MEGF11: variants seen among roughly 807,000 people sequenced by gnomAD.
MEGF11 encodes the protein multiple EGF like domains 11, also known as multiple epidermal growth factor-like domains protein 11.
MEGF11 carries 126 observed loss-of-function variants against 146.6 expected under a neutral mutation model. That is an observed-to-expected ratio of 0.86 (90% CI 0.74 to 1.00). MEGF11 has a LOEUF of 1.00. Among genes scored for constraint, MEGF11 ranks in the 50% least tolerant of loss-of-function variants. MEGF11 has a pLI of 0.00. For missense variants in MEGF11, 1,509 were observed against 1,521.2 expected (o/e 0.99, Z 0.13); for synonymous variants, 532 against 583.4 (o/e 0.91, Z 1.27).
rs1434203018 is a variant in MEGF11, at chr15:66,008,403, G to A, written c.395-25915C>T. ...TTCACGATGAAACACACATGCACAC[G>A]CGCGCGCGCACACACACACACACAC... On this transcript the variant is annotated intron_variant, in intron 5 of 25. Coordinates refer to ENST00000395614, the MANE Select transcript of MEGF11 (RefSeq NM_001385028.1). Among the ~76,000 whole-genome samples, 12 of 2,992 alleles carry A rather than the reference G, an allele frequency of 4.0e-3. No homozygotes were observed. In the South Asian group the frequency reaches 0.25, roughly 62 times the overall value. 2.0% of individuals were successfully genotyped at this position (2,992 alleles called of 152,430 possible). A position where few individuals can be genotyped will look rare whatever the true frequency, so the allele number is the denominator to read the frequency against.
At chr15:66,021,176 C>A (rs1285404583) in intron 5 of MEGF11, among the ~76,000 whole-genome samples, 36 of 152,310 alleles carry the variant, frequency 2.4e-4, no homozygotes, top group Admixed American at 1.6e-3. Context: ...GGGGAGCCCA[C>A]CCCTACCTTG....
chr15:66,119,263 C>G, intron 3 of MEGF11, 77 bp from the exon 4 acceptor site: 3 of 1,032,324 alleles, frequency 2.9e-6, no homozygotes, highest in Non-Finnish European at 4.3e-6. Context: ...TTGTGTTAAG[C>G]TATATTGAGG....
chr15:66,096,821 G>A (rs185451892), intron 4 of MEGF11, among the ~76,000 whole-genome samples: 82 of 152,308 alleles, frequency 5.4e-4, no homozygotes, highest in African/African-American at 2.0e-3. Context: ...CAAGCTGGGG[G>A]GGAACAGCCT....
chr15:65,929,945 C>T, intron 11 of MEGF11, 62 bp from the exon 12 acceptor site: 8 of 1,481,698 alleles, frequency 5.4e-6, no homozygotes, highest in Non-Finnish European at 6.4e-6. Flanking sequence ...TTTTTGCCCA[C>T]TCCCCCCAGC....
intron 1 of MEGF11, among the ~76,000 whole-genome samples, chr15:66,156,323 G>A (rs992215644): frequency 6.6e-6 from 1 of 152,064 alleles, no homozygotes; most frequent in Admixed American, 6.5e-5. Flanking sequence ...GTACTCCATG[G>A]AATGTTCATG....
intron 10 of MEGF11, among the ~76,000 whole-genome samples, chr15:65,957,326 G>T (rs763132020): frequency 1.3e-5 from 2 of 152,234 alleles, no homozygotes; most frequent in Non-Finnish European, 2.9e-5. Flanking sequence ...AACCTTCAGA[G>T]TTGGGGGTGA....
chr15:66,135,235 A>G (rs1490008793), intron 1 of MEGF11, among the ~76,000 whole-genome samples: 2 of 152,214 alleles, frequency 1.3e-5, no homozygotes, highest in Admixed American at 1.3e-4. Context: ...TAGAATTTCT[A>G]AGGAACTGGA....
At chr15:66,037,103 G>A (rs1346220737) in intron 5 of MEGF11, among the ~76,000 whole-genome samples, 1 of 152,234 alleles carries the variant, frequency 6.6e-6, no homozygotes, top group Admixed American at 6.5e-5. Flanking sequence ...TGGCCTGCAA[G>A]TGGCAGCTCC....
At chr15:66,164,361 C>T (rs79349611) in intron 1 of MEGF11, among the ~76,000 whole-genome samples, 3,617 of 152,128 alleles carry the variant, frequency 0.024, 152 homozygotes, top group African/African-American at 0.083. Context: ...GATCGCTGCA[C>T]GTGAGGGGCC....
At chr15:66,242,244 A>C (rs866418666) in intron 1 of MEGF11, among the ~76,000 whole-genome samples, 102 of 149,398 alleles carry the variant, frequency 6.8e-4, no homozygotes, top group African/African-American at 2.4e-3. Flanking sequence ...CCATCTCTAC[A>C]AAAAAAAATA....
At chr15:66,095,492 T>G (rs2086505271) in intron 4 of MEGF11, among the ~76,000 whole-genome samples, 1 of 152,228 alleles carries the variant, frequency 6.6e-6, no homozygotes, top group Non-Finnish European at 1.5e-5. Context: ...TGCCCAGTAC[T>G]GGCCTGGGCT....
chr15:65,922,802 G>C (rs1183799646), intron 14 of MEGF11, 21 bp downstream of exon 14: 4 of 1,613,000 alleles, frequency 2.5e-6, no homozygotes, highest in Non-Finnish European at 3.4e-6. Flanking sequence ...GAGCTCTTCG[G>C]GGTCAGGGGA....
intron 4 of MEGF11, among the ~76,000 whole-genome samples, chr15:66,099,211 T>TTTC (rs1304335872): frequency 4.8e-5 from 7 of 145,844 alleles, no homozygotes; most frequent in African/African-American, 1.3e-4. Context: ...TTTCTTTTTT[T>TTTC]TTTTTTTTTT....
chr15:66,237,083 T>A (rs1251379564), intron 1 of MEGF11, among the ~76,000 whole-genome samples: 1 of 152,100 alleles, frequency 6.6e-6, no homozygotes, highest in East Asian at 1.9e-4. Flanking sequence ...CCATCACACC[T>A]CGTCACACTA....
intron 10 of MEGF11, among the ~76,000 whole-genome samples, chr15:65,942,890 C>A (rs1323666623): frequency 6.6e-6 from 1 of 151,242 alleles, no homozygotes; most frequent in Non-Finnish European, 1.5e-5. Context: ...CAGCATATGA[C>A]CCTAATCAAT....
intron 5 of MEGF11, among the ~76,000 whole-genome samples, chr15:66,047,030 CATG>C (rs1281635478): frequency 6.6e-6 from 1 of 152,198 alleles, no homozygotes; most frequent in Non-Finnish European, 1.5e-5. Flanking sequence ...CAGCACATCC[CATG>C]AAGTTCACCT....
At chr15:66,130,073 C>A (rs540299482) in intron 1 of MEGF11, among the ~76,000 whole-genome samples, 5 of 152,288 alleles carry the variant, frequency 3.3e-5, no homozygotes, top group Admixed American at 6.5e-5. Flanking sequence ...ACCCAATGAG[C>A]ACCTCAGAAG....
chr15:66,213,744 A>ATTAATT (rs1481890469), intron 1 of MEGF11, among the ~76,000 whole-genome samples: 12 of 151,730 alleles, frequency 7.9e-5, no homozygotes, highest in Admixed American at 5.9e-4. Context: ...TTTATTTTTA[A>ATTAATT]TTAATTTTAA....
intron 5 of MEGF11, among the ~76,000 whole-genome samples, chr15:66,029,336 A>G (rs1253068396): frequency 6.6e-6 from 1 of 152,164 alleles, no homozygotes; most frequent in Non-Finnish European, 1.5e-5. Context: ...AGCCTTGCCC[A>G]CAGGAGGTAG....
Sources: allele counts gnomAD v4.1 joint callset (sites outside exome capture counted in the v4.1 genomes callset), GRCh38; gene constraint gnomAD v4.1.1; transcripts MANE v1.5; gene names NCBI Gene and HGNC (gene_info 2026-07-23, HGNC 2026-07-21).